ADAMTS18: variants seen among roughly 807,000 people sequenced by gnomAD.
ADAMTS18 encodes the protein A disintegrin and metalloproteinase with thrombospondin motifs 18.
Under a neutral mutation model 165.9 loss-of-function variants are expected in ADAMTS18, and 157 were observed. The ratio of observed to expected loss-of-function variants is 0.95; its 90% CI spans 0.83 to 1.08. The LOEUF is 1.08. Ranked by LOEUF, ADAMTS18 falls within the 50% of genes least tolerant of loss-of-function variation. The pLI is 0.00. For missense variants in ADAMTS18, 2,040 were observed against 1,534.0 expected, an observed-to-expected ratio of 1.33 and a Z score of -5.51; for synonymous variants, 782 against 578.2, an observed-to-expected ratio of 1.35 and a Z score of -5.06.
chr16:77,421,824 T>C (rs17688543), intron 3 of ADAMTS18, among the ~76,000 whole-genome samples: 27,858 of 152,134 alleles, frequency 0.18, 2,583 homozygotes, highest in Middle Eastern at 0.23. Context: ...CTCCATGTTA[T>C]TTTTCAGCAG....
chr16:77,411,411 C>A (rs1268186832), intron 3 of ADAMTS18, among the ~76,000 whole-genome samples: 1 of 152,098 alleles, frequency 6.6e-6, no homozygotes, highest in Non-Finnish European at 1.5e-5. Flanking sequence ...CTGCTTGGCG[C>A]TTGAGACATA....
chr16:77,330,218 G>A (rs2056165638), intron 12 of ADAMTS18, among the ~76,000 whole-genome samples: 2 of 152,186 alleles, frequency 1.3e-5, no homozygotes, highest in Admixed American at 1.3e-4. Context: ...CATGAGCTAA[G>A]TTGTGTTAGA....
chr16:77,335,702 T>A, intron 12 of ADAMTS18, 54 bp downstream of exon 12: 1 of 1,609,194 alleles, frequency 6.2e-7, no homozygotes, highest in East Asian at 2.2e-5. Flanking sequence ...AACCAGCGTG[T>A]TACAGGCTGA....
At chr16:77,351,552 C>T (rs1056633705) in intron 10 of ADAMTS18, among the ~76,000 whole-genome samples, 2 of 152,090 alleles carry the variant, frequency 1.3e-5, no homozygotes, top group African/African-American at 4.8e-5. Context: ...TACTTATTAC[C>T]AACTGTGCTT....
chr16:77,288,982 G>C (rs35823009), intron 22 of ADAMTS18, among the ~76,000 whole-genome samples: 45 of 152,272 alleles, frequency 3.0e-4, no homozygotes, highest in Non-Finnish European at 5.6e-4. Flanking sequence ...CTACTCAGGA[G>C]GCTGAGGCAG....
At chr16:77,334,790 A>C (rs2056274607) in intron 12 of ADAMTS18, among the ~76,000 whole-genome samples, 1 of 22,022 alleles carries the variant, frequency 4.5e-5, no homozygotes, top group Non-Finnish European at 7.7e-5. Context: ...TATACAGTAA[A>C]TATACTATAT....
chr16:77,301,279 A>G (rs1401974796), intron 16 of ADAMTS18, among the ~76,000 whole-genome samples: 3 of 55,296 alleles, frequency 5.4e-5, no homozygotes, highest in Admixed American at 5.3e-4. Context: ...ATTTTCATTG[A>G]AAAAAAAAAA....
intron 22 of ADAMTS18, among the ~76,000 whole-genome samples, chr16:77,284,798 T>C (rs2055216657): frequency 6.6e-6 from 1 of 152,034 alleles, no homozygotes; most frequent in Non-Finnish European, 1.5e-5. Flanking sequence ...CTGGTTCTGA[T>C]TGAGAAGGGC....
chr16:77,347,799 T>C (rs1236611450), intron 10 of ADAMTS18, among the ~76,000 whole-genome samples: 1 of 152,152 alleles, frequency 6.6e-6, no homozygotes, highest in African/African-American at 2.4e-5. Flanking sequence ...TGAGAGGCAG[T>C]ATAGTATAAT....
At position 77,321,182 on chromosome 16, in the gene ADAMTS18, T is replaced by C; in HGVS notation, c.2184A>G (p.Glu728=). Reference sequence around the variant, plus strand: ...CATCTGAAACTGCTTTAGAGCCTAGTTCATGATCACATCCCACTAGCTGTG... The same window carrying C: ...CATCTGAAACTGCTTTAGAGCCTAGCTCATGATCACATCCCACTAGCTGTG... The part of the protein sequence containing the change: ...GVCELVGCDH[E]LGSKAVSDAC... Residue 728 remains glutamate, a synonymous_variant, in exon 15 of 23, where the codon GAA becomes GAG. Coordinates refer to ENST00000282849, the MANE Select transcript of ADAMTS18 (RefSeq NM_199355.4). 1.2e-6 allele frequency: 2 copies of C among 1,614,202 alleles called. No homozygotes were observed. Among genetic ancestry groups the C allele is most frequent in the Non-Finnish European group, 1.7e-6 (2 of 1,180,036 alleles).
rs1012177670 is a variant in ADAMTS18 at position 77,377,006 on chromosome 16, G to T, written c.496-9283C>A. ...GGTTTTGTATTTTTAGTAGAGATGA[G>T]GTTTCATCACATTGGCCAGGCTGGT... On this transcript the variant is annotated intron_variant, in intron 3 of 22. Coordinates refer to ENST00000282849, the MANE Select transcript of ADAMTS18 (RefSeq NM_199355.4). 2.0e-5 allele frequency among the ~76,000 whole-genome samples: 3 copies of T among 151,744 alleles called. No individual in the cohort carries two copies. In the East Asian group the frequency reaches 5.8e-4, roughly 29 times the overall value.
intron 10 of ADAMTS18, among the ~76,000 whole-genome samples, chr16:77,350,204 GA>G (rs2056535888): frequency 6.6e-6 from 1 of 152,118 alleles, no homozygotes; most frequent in African/African-American, 2.4e-5. Context: ...AGAACCATTA[GA>G]AAGATTCGTA....
intron 16 of ADAMTS18, among the ~76,000 whole-genome samples, chr16:77,312,109 T>C (rs969811085): frequency 2.0e-5 from 3 of 152,186 alleles, no homozygotes; most frequent in Admixed American, 6.5e-5. Flanking sequence ...CTTATTTTTG[T>C]TGTTGTTGTC....
Position 77,321,209 on chromosome 16 carries a change from C to G in ADAMTS18, c.2164-7G>C. ...CATGATCACATCCCACTAGCTGTGA[C>G]AAAAACAAAAAACGTGAGAAAATAA... On this transcript the variant is annotated splice_region_variant and splice_polypyrimidine_tract_variant and intron_variant, in intron 14 of 22. Transcript: ENST00000282849. The G allele has an allele frequency of 1.9e-6, 3 of 1,613,440 alleles. No homozygotes were observed. Among genetic ancestry groups the G allele is most frequent in the South Asian group, 1.1e-5 (1 of 91,038 alleles).
intron 3 of ADAMTS18, among the ~76,000 whole-genome samples, chr16:77,422,528 A>T (rs2057616614): frequency 7.1e-6 from 1 of 141,562 alleles, no homozygotes; most frequent in African/African-American, 2.6e-5. Flanking sequence ...GAGGGAGGGA[A>T]GAGAGGAGAG....
Position 77,388,530 on chromosome 16 carries a change from C to T in ADAMTS18, c.496-20807G>A, listed in dbSNP as rs139986247. Among the ~76,000 whole-genome samples, 31 of 152,252 alleles carry T rather than the reference C, an allele frequency of 2.0e-4. 1 individual carries two copies. The highest frequency in any genetic ancestry group is 1.9e-3 in the East Asian group (10 of 5,172). On this transcript the variant is annotated intron_variant, in intron 3 of 22. Transcript: ENST00000282849. ...AATTCTGGCTCTACTGCTTGTAAGG[C>T]GTGTGAACTTGGATGAGTTACTGAT...
chr16:77,322,603 A>G, intron 13 of ADAMTS18, 137 bp from the exon 14 acceptor site: 1 of 1,089,934 alleles, frequency 9.2e-7, no homozygotes, highest in Non-Finnish European at 1.3e-6. Context: ...TTGCACATAT[A>G]AGCCCATATG....
At chr16:77,289,012 G>A (rs138732455) in intron 22 of ADAMTS18, among the ~76,000 whole-genome samples, 24 of 152,302 alleles carry the variant, frequency 1.6e-4, no homozygotes, top group African/African-American at 5.1e-4. Flanking sequence ...ATGAACCCGG[G>A]AGGCAGAGGT....
At chr16:77,292,340 T>A (rs984531948) in intron 20 of ADAMTS18, among the ~76,000 whole-genome samples, 2 of 152,168 alleles carry the variant, frequency 1.3e-5, no homozygotes, top group Admixed American at 1.3e-4. Context: ...ATATTTCTAG[T>A]GTGTCACCCA....
Sources: allele counts gnomAD v4.1 joint callset (sites outside exome capture counted in the v4.1 genomes callset), GRCh38; gene constraint gnomAD v4.1.1; transcripts MANE v1.5; gene names NCBI Gene and HGNC (gene_info 2026-07-23, HGNC 2026-07-21).